The following FAM184A variants were observed in gnomAD, a reference collection of about 807,000 sequenced individuals.
The protein encoded by FAM184A is protein FAM184A.
In FAM184A, 99 loss-of-function variants were observed where a neutral mutation model predicts 143.8. That is an observed-to-expected ratio of 0.69 (90% confidence interval 0.58 to 0.81). FAM184A has a LOEUF of 0.81. Among genes scored for constraint, FAM184A ranks in the 40% least tolerant of loss-of-function variants. The probability of loss-of-function intolerance (pLI) is 0.00; values close to 1 mark genes in which losing one functional copy is unlikely to be tolerated. For synonymous variants in FAM184A, 427 were observed against 446.4 expected (o/e 0.96, Z 0.55); for missense variants, 1,217 against 1,310.5 (o/e 0.93, Z 1.10).
chr6:119,049,476 CA>C (rs1023087688), intron 1 of FAM184A, among the ~76,000 whole-genome samples: 47 of 152,070 alleles, frequency 3.1e-4, no homozygotes, highest in African/African-American at 1.1e-3. Context: ...CAAAACAAAA[CA>C]AAACAGGCAC....
At chr6:119,111,291 T>C (rs1788923920) in intron 1 of FAM184A, among the ~76,000 whole-genome samples, 2 of 152,310 alleles carry the variant, frequency 1.3e-5, no homozygotes, top group African/African-American at 4.8e-5. Context: ...ATTTCACTTA[T>C]ATGAGATTCT....
Position 119,078,026 on chromosome 6 carries a change from G to T in FAM184A, c.159+115C>A. 1.6e-6 allele frequency: 2 copies of T among 1,222,250 alleles called. No homozygotes were observed. Among genetic ancestry groups the T allele is most frequent in the Non-Finnish European group, 2.2e-6 (2 of 902,732 alleles). 75.7% of individuals were successfully genotyped at this position (1,222,250 alleles called of 1,614,324 possible). ...AGGTGTCTCCGGCTGTTGCTTCGGC[G>T]GAGGAGTAGAGTTCCCCTCGCTGCG... On this transcript the variant is annotated intron_variant, in intron 1 of 17. Transcript: ENST00000338891. This position sits in a 1 kb window ranked among gnomAD's most constrained non-coding sequence, Gnocchi z 5.5.
At position 119,002,943 on chromosome 6, in the gene FAM184A, C is replaced by T. The variant is rs778598852; in HGVS notation, c.2044G>A (p.Ala682Thr). The stretch of plus-strand genomic sequence containing the variant: ...ACTTTCTTCTGCCATGAATCTCTTG[C>T]TGCATTTTTCTCTCGATCTTTCAAC... ...LQLKDREKNA[A>T]RDSWQKKVED... Residue 682 changes from alanine (A) to threonine (T), a missense_variant, in exon 9 of 18, where the codon GCA becomes ACA. By Grantham distance (58) the Ala-to-Thr change is moderately conservative. Coordinates refer to ENST00000338891, the MANE Select transcript of FAM184A (RefSeq NM_024581.6). The T allele has an allele frequency of 7.4e-6, 12 of 1,612,310 alleles. No homozygotes were observed. In the Admixed American group the frequency reaches 1.3e-4, roughly 18 times the overall value.
intron 9 of FAM184A, among the ~76,000 whole-genome samples, chr6:118,999,575 C>T (rs1010985505): frequency 6.6e-6 from 1 of 152,146 alleles, no homozygotes; most frequent in Non-Finnish European, 1.5e-5. Context: ...CTGTGTTCAT[C>T]CTTTGCCCTA....
intron 9 of FAM184A, among the ~76,000 whole-genome samples, chr6:118,991,501 T>C (rs1023853993): frequency 2.0e-5 from 3 of 152,048 alleles, no homozygotes; most frequent in Admixed American, 2.0e-4. Flanking sequence ...TAAACTGAGG[T>C]AAATGCAAAT....
chr6:118,965,028 CCTAG>C (rs1368492470), intron 15 of FAM184A, among the ~76,000 whole-genome samples: 3 of 152,122 alleles, frequency 2.0e-5, no homozygotes, highest in African/African-American at 7.2e-5. Flanking sequence ...TTTATTTGGT[CCTAG>C]CTGTTTCACA....
intron 9 of FAM184A, among the ~76,000 whole-genome samples, chr6:118,985,778 T>C (rs1344924874): frequency 1.3e-5 from 2 of 152,270 alleles, no homozygotes; most frequent in African/African-American, 2.4e-5. Flanking sequence ...CTTTCAAATA[T>C]ATAAAACATT....
At chr6:119,105,600 T>C (rs1788757427) in intron 1 of FAM184A, among the ~76,000 whole-genome samples, 1 of 152,192 alleles carries the variant, frequency 6.6e-6, no homozygotes, top group Admixed American at 6.5e-5. Context: ...ACGTGGTTCT[T>C]TACAGCAGTG....
upstream of FAM184A, among the ~76,000 whole-genome samples, chr6:119,083,146 G>A (rs765944247): frequency 1.6e-4 from 25 of 152,150 alleles, no homozygotes; most frequent in Admixed American, 2.6e-4. Flanking sequence ...TTTTAGCCAC[G>A]GCTGGGATAA....
chr6:119,111,459 A>T (rs576899620), intron 1 of FAM184A, among the ~76,000 whole-genome samples: 1 of 152,208 alleles, frequency 6.6e-6, no homozygotes, highest in South Asian at 2.1e-4. Context: ...TTGCACAAAA[A>T]TGTGAATGTT....
intron 1 of FAM184A, among the ~76,000 whole-genome samples, chr6:119,124,554 A>G (rs974058112): frequency 1.3e-5 from 2 of 152,198 alleles, no homozygotes; most frequent in African/African-American, 2.4e-5. Flanking sequence ...TCTATTAAAA[A>G]GACCATTATA....
At chr6:118,980,380 A>G (rs774370179) in intron 9 of FAM184A, 30 bp from the exon 10 acceptor site, 128 of 1,577,926 alleles carry the variant, frequency 8.1e-5, no homozygotes, top group Non-Finnish European at 1.1e-4. Flanking sequence ...ACAATGAAGA[A>G]TAAATACAAG....
chr6:119,022,503 T>C (rs1031773094), intron 3 of FAM184A, among the ~76,000 whole-genome samples: 8 of 152,154 alleles, frequency 5.3e-5, no homozygotes, highest in Non-Finnish European at 1.2e-4. Flanking sequence ...TAGTAACATA[T>C]TGAGTCCTTT....
At chr6:119,079,763 CAA>C (rs1788005470), upstream of FAM184A, among the ~76,000 whole-genome samples, 1 of 152,186 alleles carries the variant, frequency 6.6e-6, no homozygotes, top group African/African-American at 2.4e-5. Flanking sequence ...CCGAATTTAA[CAA>C]AGATTGTCTG....
chr6:119,099,764 C>T (rs905119788), intron 1 of FAM184A, among the ~76,000 whole-genome samples: 13 of 152,104 alleles, frequency 8.5e-5, no homozygotes, highest in African/African-American at 2.7e-4. Flanking sequence ...GAGGGGGGCG[C>T]ACCTGAAGAG....
intron 5 of FAM184A, among the ~76,000 whole-genome samples, chr6:119,015,531 G>A (rs1411426243): frequency 6.6e-6 from 1 of 152,208 alleles, no homozygotes. Flanking sequence ...TGCTGCACTC[G>A]ATTTTTTGCC....
chr6:119,001,347 T>G (rs1784750895), intron 9 of FAM184A, among the ~76,000 whole-genome samples: 1 of 151,856 alleles, frequency 6.6e-6, no homozygotes, highest in South Asian at 2.1e-4. Context: ...TCTGATGGCA[T>G]GGAGCATCAC....
At chr6:119,127,385 G>A (rs1442834622) in intron 1 of FAM184A, among the ~76,000 whole-genome samples, 3 of 152,196 alleles carry the variant, frequency 2.0e-5, no homozygotes, top group African/African-American at 7.2e-5. Flanking sequence ...CTACCACAGT[G>A]GAAGGGCAGG....
At position 119,121,485 on chromosome 6, in the gene FAM184A, G is replaced by A. The variant is rs536526730; in HGVS notation, c.-202+27593C>T. ...AATTAAATCCATAAGCAGTATGAGA[G>A]TTTTAGTTTGAGTGCCATTTCCGTT... On this transcript the variant is annotated intron_variant, in intron 1 of 16. Transcript: ENST00000352896. Among the ~76,000 whole-genome samples the A allele has an allele frequency of 1.7e-4, 26 of 152,262 alleles. No homozygotes were observed. In the East Asian group the frequency reaches 4.4e-3, roughly 26 times the overall value.
Sources: allele counts gnomAD v4.1 joint callset (sites outside exome capture counted in the v4.1 genomes callset), GRCh38; gene constraint gnomAD v4.1.1; non-coding constraint Gnocchi (gnomAD v3.1); transcripts MANE v1.5; gene names NCBI Gene and HGNC (gene_info 2026-07-23, HGNC 2026-07-21).